ZNF253: variants seen among roughly 807,000 people sequenced by gnomAD.
ZNF253 encodes the protein DNA-binding protein.
ZNF253 carries 8 observed loss-of-function variants against 11.9 expected under a neutral mutation model. The ratio of observed to expected loss-of-function variants is 0.67; its 90% CI spans 0.40 to 1.22. The LOEUF is 1.22. Ranked by LOEUF, ZNF253 falls within the 50% of genes most tolerant of loss-of-function variation. ZNF253 has a pLI of 0.01. For missense variants in ZNF253, 485 were observed against 586.9 expected (o/e 0.83, Z 1.79); for synonymous variants, 194 against 194.9 (o/e 1.00, Z 0.04).
intron 1 of ZNF253, among the ~76,000 whole-genome samples, chr19:19,873,039 G>A (rs1045015123): frequency 1.3e-5 from 2 of 152,132 alleles, no homozygotes; most frequent in African/African-American, 4.8e-5. Flanking sequence ...TCTGTATTGT[G>A]AGATGTCAGC....
intron 2 of ZNF253, chr19:19,878,813 G>A (rs928186778): frequency 1.3e-5 from 6 of 448,718 alleles, no homozygotes; most frequent in African/African-American, 6.1e-5. Flanking sequence ...CAATTTAATT[G>A]TACATTCACA....
At position 19,872,579 on chromosome 19, in the gene ZNF253, ATT is replaced by A. The variant is rs1491456432; in HGVS notation, c.4-5901_4-5900del. The stretch of plus-strand genomic sequence containing the variant: ...ACCATAACTATATATATATATATAT[ATT>A]ATTATATATATATATATATAATCAA... On this transcript the variant is annotated intron_variant, in intron 1 of 3. Transcript: ENST00000589717. Among the ~76,000 whole-genome samples the A allele has an allele frequency of 2.7e-3, 260 of 96,844 alleles. 15 individuals are homozygous for A. The highest frequency in any genetic ancestry group is 0.017 in the African/African-American group (241 of 14,048). 63.5% of individuals were successfully genotyped at this position (96,844 alleles called of 152,430 possible).
At chr19:19,870,758 AT>A (rs1455185782) in intron 1 of ZNF253, 5 of 152,176 alleles carry the variant, frequency 3.3e-5, no homozygotes, top group African/African-American at 1.2e-4. Flanking sequence ...ATGTATTTCA[AT>A]ATAGAACCCC....
intron 2 of ZNF253, 119 bp downstream of exon 2, chr19:19,878,726 A>G: frequency 3.6e-6 from 4 of 1,110,700 alleles, no homozygotes; most frequent in Non-Finnish European, 5.0e-6. Flanking sequence ...GGCATAAGCC[A>G]CTGCGCCTGG....
At chr19:19,878,702 G>A (rs1191110947) in intron 2 of ZNF253, 95 bp downstream of exon 2, 2 of 1,435,464 alleles carry the variant, frequency 1.4e-6, no homozygotes, top group African/African-American at 2.9e-5. Flanking sequence ...TCTTTGCAAA[G>A]TGGTAGAATT....
intron 3 of ZNF253, among the ~76,000 whole-genome samples, chr19:19,889,035 T>C (rs1170402572): frequency 6.6e-6 from 1 of 152,164 alleles, no homozygotes; most frequent in East Asian, 1.9e-4. Flanking sequence ...ACTATGCTTA[T>C]AAATGACACA....
intron 1 of ZNF253, among the ~76,000 whole-genome samples, chr19:19,872,579 A>G (rs1568494443): frequency 1.0e-5 from 1 of 96,886 alleles, no homozygotes; most frequent in Non-Finnish European, 1.8e-5. Flanking sequence ...ATATATATAT[A>G]TTATTATATA....
chr19:19,885,209 T>C (rs1006017926), intron 3 of ZNF253, among the ~76,000 whole-genome samples: 3 of 151,134 alleles, frequency 2.0e-5, no homozygotes, highest in Admixed American at 2.0e-4. Flanking sequence ...TCATGTCTTT[T>C]TTTTGTATTC....
chr19:19,886,984 T>C (rs1220545701), intron 3 of ZNF253, among the ~76,000 whole-genome samples: 1 of 152,144 alleles, frequency 6.6e-6, no homozygotes, highest in African/African-American at 2.4e-5. Flanking sequence ...GGAGCCCTGA[T>C]GTTATATACA....
chr19:19,890,832 A>ATTTTTTTTTTT (rs770757608), intron 3 of ZNF253, among the ~76,000 whole-genome samples: 2 of 76,834 alleles, frequency 2.6e-5, no homozygotes. Context: ...CAACAATTTA[A>ATTTTTTTTTTT]TTTTTTTTTT....
intron 3 of ZNF253, among the ~76,000 whole-genome samples, chr19:19,886,860 ATTTT>A (rs570985862): frequency 6.6e-6 from 1 of 152,032 alleles, no homozygotes; most frequent in Non-Finnish European, 1.5e-5. Context: ...TTTTTTTCTT[ATTTT>A]TTATCTGAAT....
At chr19:19,874,383 G>T (rs1053058792) in intron 1 of ZNF253, among the ~76,000 whole-genome samples, 1 of 152,070 alleles carries the variant, frequency 6.6e-6, no homozygotes, top group Admixed American at 6.6e-5. Flanking sequence ...AATTAGCTAG[G>T]CATGGCGGCA....
intron 1 of ZNF253, among the ~76,000 whole-genome samples, chr19:19,866,280 C>T (rs1422009470): frequency 6.6e-6 from 1 of 152,082 alleles, no homozygotes; most frequent in Non-Finnish European, 1.5e-5. Flanking sequence ...ACGGGAGGGT[C>T]GTCAGGGGAG....
At chr19:19,872,555 C>A in intron 1 of ZNF253, among the ~76,000 whole-genome samples, 1 of 107,468 alleles carries the variant, frequency 9.3e-6, no homozygotes, top group African/African-American at 6.7e-5. Flanking sequence ...ATACCCTAAA[C>A]CATAACTATA....
chr19:19,881,936 C>A (rs1240498276), intron 3 of ZNF253, among the ~76,000 whole-genome samples: 1 of 151,898 alleles, frequency 6.6e-6, no homozygotes, highest in Non-Finnish European at 1.5e-5. Context: ...CACCTGTAAT[C>A]CCAACATGTT....
intron 1 of ZNF253, 123 bp from the exon 2 acceptor site, chr19:19,878,358 G>T: frequency 6.6e-7 from 1 of 1,511,104 alleles, no homozygotes. Flanking sequence ...ATATTTTATT[G>T]GATAATTTTA....
chr19:19,888,343 C>T (rs1295484950), intron 3 of ZNF253, among the ~76,000 whole-genome samples: 1 of 152,098 alleles, frequency 6.6e-6, no homozygotes, highest in Non-Finnish European at 1.5e-5. Context: ...GGATTACAGG[C>T]GTGAGCGACT....
chr19:19,885,283 CTTTCTTTCTCTTTCTTTT>C (rs1568498892), intron 3 of ZNF253, among the ~76,000 whole-genome samples: 728 of 34,650 alleles, frequency 0.021, 86 homozygotes, highest in African/African-American at 0.17. Context: ...TTCTTTCTTT[CTTTCTTTCTCTTTCTTTT>C]CTTTCTTTCT....
intron 1 of ZNF253, among the ~76,000 whole-genome samples, chr19:19,872,579 ATTAT>A (rs1180710949): frequency 1.2e-4 from 12 of 96,794 alleles, no homozygotes; most frequent in East Asian, 7.0e-4. Context: ...ATATATATAT[ATTAT>A]TATATATATA....
Sources: allele counts gnomAD v4.1 joint callset (sites outside exome capture counted in the v4.1 genomes callset), GRCh38; gene constraint gnomAD v4.1.1; transcripts MANE v1.5; gene names NCBI Gene and HGNC (gene_info 2026-07-23, HGNC 2026-07-21).